SND1: variants seen among roughly 807,000 people sequenced by gnomAD.
The protein encoded by SND1 is staphylococcal nuclease and tudor domain containing 1, also known as staphylococcal nuclease domain-containing protein 1.
A neutral mutation model predicts 121.7 loss-of-function variants in SND1; 38 were observed. The ratio of observed to expected loss-of-function variants is 0.31; its 90% CI spans 0.24 to 0.41. The LOEUF is 0.41. SND1 is among the 10% of genes least tolerant of loss of function. The pLI is 1.00. For synonymous variants in SND1, 401 were observed against 447.4 expected (o/e 0.90, Z 1.31); for missense variants, 868 against 1,184.6 (o/e 0.73, Z 3.92).
intron 10 of SND1, among the ~76,000 whole-genome samples, chr7:127,770,571 A>T (rs1797496350): frequency 6.6e-6 from 1 of 152,184 alleles, no homozygotes; most frequent in South Asian, 2.1e-4. Context: ...AGGTTAAGTT[A>T]CTTGTACAAG....
At chr7:127,863,078 C>A (rs1799408734) in intron 12 of SND1, among the ~76,000 whole-genome samples, 1 of 152,164 alleles carries the variant, frequency 6.6e-6, no homozygotes, top group Non-Finnish European at 1.5e-5. Context: ...GCAGCGGAGT[C>A]CACGAGGAGT....
intron 14 of SND1, among the ~76,000 whole-genome samples, chr7:127,925,295 C>T (rs1010360089): frequency 6.6e-6 from 1 of 152,220 alleles, no homozygotes; most frequent in Non-Finnish European, 1.5e-5. Context: ...AATCCAGTTG[C>T]TTCCTGATTA....
chr7:128,036,707 A>T (rs1792757310), intron 16 of SND1, among the ~76,000 whole-genome samples: 1 of 152,194 alleles, frequency 6.6e-6, no homozygotes, highest in Admixed American at 6.5e-5. Context: ...GGCTCGAGTG[A>T]TGGGGAAAAC....
chr7:128,013,368 G>T (rs1201378608), intron 16 of SND1, among the ~76,000 whole-genome samples: 2 of 152,196 alleles, frequency 1.3e-5, no homozygotes, highest in African/African-American at 4.8e-5. Context: ...CACCTGGCAG[G>T]GTGCGGATCA....
intron 9 of SND1, among the ~76,000 whole-genome samples, chr7:127,708,465 A>G (rs1356704492): frequency 1.4e-5 from 2 of 147,854 alleles, no homozygotes; most frequent in Admixed American, 6.9e-5. Context: ...AGATAAATGC[A>G]TTTTCAACTT....
At chr7:127,934,614 G>T (rs1217988139) in intron 15 of SND1, among the ~76,000 whole-genome samples, 1 of 152,070 alleles carries the variant, frequency 6.6e-6, no homozygotes, top group Non-Finnish European at 1.5e-5. Flanking sequence ...TCAGGAGTGG[G>T]GGGTGGTGTT....
rs562488496 is a variant in SND1 at position 128,086,526 on chromosome 7, G to C, written c.2305-412G>C. 6.8e-4 allele frequency: 187 copies of C among 275,948 alleles called. 3 individuals carry two copies. The highest frequency in any genetic ancestry group is 5.9e-3 in the South Asian group (172 of 29,026). 17.1% of individuals were successfully genotyped at this position (275,948 alleles called of 1,614,324 possible). A position where few individuals can be genotyped will look rare whatever the true frequency, so the allele number is the denominator to read the frequency against. ...CTGGGCCAGAACCACAGGCAGGCCC[G>C]GTGACCACAGGGATACTTGTCTTGG... On this transcript the variant is annotated intron_variant, in intron 20 of 23. Coordinates refer to ENST00000354725, the MANE Select transcript of SND1 (RefSeq NM_014390.4).
chr7:128,053,579 A>G (rs943743713), intron 16 of SND1, among the ~76,000 whole-genome samples: 1 of 152,110 alleles, frequency 6.6e-6, no homozygotes, highest in Admixed American at 6.5e-5. Context: ...TACCTGGGCA[A>G]TGGGGGAAAG....
chr7:128,049,066 G>C (rs1471023768), intron 16 of SND1, among the ~76,000 whole-genome samples: 1 of 152,064 alleles, frequency 6.6e-6, no homozygotes, highest in Non-Finnish European at 1.5e-5. Flanking sequence ...GTAGAAATGG[G>C]GCCAGAACCT....
intron 10 of SND1, among the ~76,000 whole-genome samples, chr7:127,725,329 G>C (rs1381232034): frequency 6.6e-6 from 1 of 152,192 alleles, no homozygotes; most frequent in African/African-American, 2.4e-5. Flanking sequence ...TGCAAATTTA[G>C]AGAAGGGTAC....
chr7:128,045,749 C>T (rs1020084627), intron 16 of SND1, among the ~76,000 whole-genome samples: 2 of 152,124 alleles, frequency 1.3e-5, no homozygotes, highest in Admixed American at 6.5e-5. Context: ...CAGAATCAGG[C>T]ACCTTGGTTT....
At chr7:127,672,029 T>A (rs1795525799) in intron 1 of SND1, among the ~76,000 whole-genome samples, 1 of 152,234 alleles carries the variant, frequency 6.6e-6, no homozygotes, top group Non-Finnish European at 1.5e-5. Flanking sequence ...CTCAAAGTTT[T>A]GCCACTTTGT....
intron 13 of SND1, among the ~76,000 whole-genome samples, chr7:127,894,858 G>A (rs1247573710): frequency 2.0e-5 from 3 of 150,012 alleles, no homozygotes; most frequent in South Asian, 2.1e-4. Flanking sequence ...AGGCATGGGC[G>A]ATAATAGCGG....
At chr7:127,921,638 G>A (rs563105650) in intron 14 of SND1, among the ~76,000 whole-genome samples, 1 of 152,164 alleles carries the variant, frequency 6.6e-6, no homozygotes, top group East Asian at 1.9e-4. Flanking sequence ...GTGAGTTTTG[G>A]CAAATGTGCA....
intron 10 of SND1, among the ~76,000 whole-genome samples, chr7:127,727,492 G>A (rs767007208): frequency 2.6e-5 from 4 of 152,152 alleles, no homozygotes; most frequent in Non-Finnish European, 4.4e-5. Context: ...TCTGAGACAC[G>A]TGCCAACAGA....
intron 10 of SND1, among the ~76,000 whole-genome samples, chr7:127,806,452 G>A (rs1398327260): frequency 6.6e-6 from 1 of 152,160 alleles, no homozygotes; most frequent in Non-Finnish European, 1.5e-5. Flanking sequence ...AAGTGTGTAT[G>A]TGTTGACATA....
chr7:127,658,550 T>C (rs1235948956), intron 1 of SND1, among the ~76,000 whole-genome samples: 1 of 152,248 alleles, frequency 6.6e-6, no homozygotes. Context: ...CTTAGCATTT[T>C]GTTACTACAT....
intron 16 of SND1, chr7:128,028,084 C>G (rs1803531138): frequency 6.6e-6 from 1 of 152,638 alleles, no homozygotes; most frequent in South Asian, 2.1e-4. Context: ...GGTGGTTTTC[C>G]TGCTTAAAAT....
At chr7:127,900,062 T>G (rs918877215) in intron 13 of SND1, among the ~76,000 whole-genome samples, 1 of 152,182 alleles carries the variant, frequency 6.6e-6, no homozygotes, top group Admixed American at 6.5e-5. Context: ...TTTTATTTTC[T>G]TTAGATCTCT....
Sources: allele counts gnomAD v4.1 joint callset (sites outside exome capture counted in the v4.1 genomes callset), GRCh38; gene constraint gnomAD v4.1.1; transcripts MANE v1.5; gene names NCBI Gene and HGNC (gene_info 2026-07-23, HGNC 2026-07-21).